The following GYS1 variants were observed in gnomAD, a reference collection of about 807,000 sequenced individuals.
The protein encoded by GYS1 is glycogen [starch] synthase, muscle.
GYS1 carries 60 observed loss-of-function variants against 89.1 expected under a neutral mutation model. The ratio of observed to expected loss-of-function variants is 0.67; its 90% CI spans 0.55 to 0.84. The LOEUF (loss-of-function observed/expected upper bound fraction) is 0.84, where lower values mean the gene tolerates loss of function less well. Among genes scored for constraint, GYS1 ranks in the 40% least tolerant of loss-of-function variants. The pLI is 0.00. For missense variants in GYS1, 888 were observed against 1,003.1 expected (o/e 0.89, Z 1.55); for synonymous variants, 366 against 401.7 (o/e 0.91, Z 1.06).
At position 48,991,175 on chromosome 19, in the gene GYS1, C is replaced by A. The variant is rs1265066232; in HGVS notation, c.300+127G>T. On this transcript the variant is annotated intron_variant, in intron 2 of 15. Coordinates refer to ENST00000323798, the MANE Select transcript of GYS1 (RefSeq NM_002103.5). The surrounding 1 kb of genome is among the most constrained non-coding windows in gnomAD (Gnocchi z 4.7). ...CTGTCTGGGTGTCCTATCACGCCTC[C>A]TTCCTGTGTCCAAGCCTGCCTCGCT... 9.7e-7 allele frequency: 1 copy of A among 1,032,286 alleles called. No individual in the cohort carries two copies. Among genetic ancestry groups the A allele is most frequent in the Non-Finnish European group, 1.5e-6 (1 of 671,988 alleles). 63.9% of individuals were successfully genotyped at this position (1,032,286 alleles called of 1,614,324 possible).
At chr19:48,992,793 T>G (rs2038958626) in intron 1 of GYS1, among the ~76,000 whole-genome samples, 1 of 152,048 alleles carries the variant, frequency 6.6e-6, no homozygotes, top group Non-Finnish European at 1.5e-5. Context: ...AACCCGGGCT[T>G]CCAGCCTCCT....
rs920399221 is a variant in GYS1, at chr19:48,982,630, C to G, written c.941+90G>C. 10 of 1,018,766 alleles carry G rather than the reference C, an allele frequency of 9.8e-6. No individual in the cohort carries two copies. The African/African-American group carries it at 1.3e-4, about 13-fold the overall frequency. 63.1% of individuals were successfully genotyped at this position (1,018,766 alleles called of 1,614,324 possible). ...TGCCCCCTCCCTCAGACCCAGGAGT[C>G]TGGGCCCCCAGCTGCCCCCTCCCCC... On this transcript the variant is annotated intron_variant, in intron 6 of 15. Transcript: ENST00000323798.
At chr19:48,978,222 G>A (rs1233230171) in intron 8 of GYS1, 65 bp from the exon 9 acceptor site, 4 of 1,345,076 alleles carry the variant, frequency 3.0e-6, no homozygotes, top group Non-Finnish European at 3.2e-6. Flanking sequence ...GGCTTCTTTA[G>A]TTAGTTTGTT....
intron 14 of GYS1, chr19:48,970,336 C>G (rs747692313): frequency 2.4e-5 from 14 of 572,792 alleles, no homozygotes; most frequent in Non-Finnish European, 4.1e-5. Context: ...CCAGGCTGGT[C>G]TCTTAACTCC....
At chr19:48,974,091 T>G in intron 12 of GYS1, 122 bp downstream of exon 12, 1 of 1,026,388 alleles carries the variant, frequency 9.7e-7, no homozygotes, top group African/African-American at 1.6e-5. Flanking sequence ...AACAGGTGAT[T>G]ACCATTGTTC....
At chr19:48,970,306 T>C (rs1241566824) in intron 14 of GYS1, 3 of 511,674 alleles carry the variant, frequency 5.9e-6, no homozygotes, top group African/African-American at 5.8e-5. Flanking sequence ...TTTTTATTTT[T>C]AGTAAAAATA....
rs1235669032 is a variant in GYS1 at position 48,985,918 on chromosome 19, T to A, written c.610A>T (p.Thr204Ser). Residue 204 changes from threonine (T) to serine (S), a missense_variant, in exon 4 of 16, where the codon ACC becomes TCC. Physicochemically the swap from Thr to Ser is moderately conservative, Grantham distance 58 (BLOSUM62 1). Transcript: ENST00000323798. ...RRLPVATIFT[T>S]HATLLGRYLC... ...TAGCGCCCCAGCAGCGTGGCATGGG[T>A]GGTGAAGATGGTTGCTACAGGCAGT... The A allele has an allele frequency of 3.1e-6, 5 of 1,613,972 alleles. No individual in the cohort carries two copies. Among genetic ancestry groups the A allele is most frequent in the Non-Finnish European group, 3.4e-6 (4 of 1,180,012 alleles).
chr19:48,984,075 G>A (rs1050833871), intron 5 of GYS1, among the ~76,000 whole-genome samples: 7 of 151,934 alleles, frequency 4.6e-5, no homozygotes, highest in Non-Finnish European at 7.4e-5. Context: ...CTTGGCTCAC[G>A]ACAACCTCTG....
At position 48,981,367 on chromosome 19, in the gene GYS1, C is replaced by T. The variant is rs531721929; in HGVS notation, c.1169+163G>A. The T allele has an allele frequency of 7.5e-5, 48 of 637,926 alleles. No homozygotes were observed. The Admixed American group carries it at 8.0e-4, about 11-fold the overall frequency. The allele number at this position is 637,926 out of a possible 1,614,324, so 39.5% of individuals were successfully genotyped here. On this transcript the variant is annotated intron_variant, in intron 8 of 15. Transcript: ENST00000323798. ...GGTGGAGGTTGCAGTGAGCCAAGAT[C>T]GCACCACTACACTCCAGCCTGGGCG...
At chr19:48,974,770 G>A (rs1195951304) in intron 10 of GYS1, 37 bp from the exon 11 acceptor site, 2 of 1,420,366 alleles carry the variant, frequency 1.4e-6, no homozygotes, top group East Asian at 2.3e-5. Context: ...GGTCATGGAA[G>A]GGACAGAGAA....
In GYS1 at chr19:48,991,126, C is replaced by A. The variant is rs2038918777; in HGVS notation, c.300+176G>T. The stretch of plus-strand genomic sequence containing the variant: ...TCCATTCGCCCATGTCTGGGATCCA[C>A]CCACCCACTTCCAGGCCCTGCATCT... On this transcript the variant is annotated intron_variant, in intron 2 of 15. Transcript: ENST00000323798. This position sits in a 1 kb window ranked among gnomAD's most constrained non-coding sequence, Gnocchi z 4.7. 6.6e-6 allele frequency among the ~76,000 whole-genome samples: 1 copy of A among 152,200 alleles called. No individual in the cohort carries two copies. Among genetic ancestry groups the A allele is most frequent in the Non-Finnish European group, 1.5e-5 (1 of 68,020 alleles).
chr19:48,970,332 T>C, intron 14 of GYS1: 1 of 569,728 alleles, frequency 1.8e-6, no homozygotes, highest in South Asian at 2.0e-5. Context: ...TTGCCCAGGC[T>C]GGTCTCTTAA....
intron 11 of GYS1, 102 bp downstream of exon 11, chr19:48,974,518 A>AAT: frequency 9.7e-7 from 1 of 1,030,896 alleles, no homozygotes; most frequent in Non-Finnish European, 1.5e-6. Context: ...TAACCACAGC[A>AAT]ATACCTTTGA....
At chr19:48,981,370 A>AC (rs1208128001) in intron 8 of GYS1, 160 bp downstream of exon 8, 2 of 648,158 alleles carry the variant, frequency 3.1e-6, no homozygotes, top group Non-Finnish European at 2.8e-6. Flanking sequence ...CCAAGATCGC[A>AC]CCACTACACT....
rs2038830161 is a variant in GYS1 at position 48,985,584 on chromosome 19, C to T, written c.700G>A (p.Gly234Arg). The change falls in exon 5 of 16, where the codon GGG becomes AGG. Residue 234 changes from glycine to arginine, a missense_variant. Gly to Arg is a moderately radical substitution (Grantham distance 125). Transcript: ENST00000323798. ...LENFNVDKEA[G>R]ERQIYHRYCM... ...TATCGGTGGTAGATCTGCCTCTCCC[C>T]TGCTTCCTTGTCCACGTTGAACTGG... 2.5e-6 allele frequency: 4 copies of T among 1,614,152 alleles called. No individual in the cohort carries two copies. Among genetic ancestry groups the T allele is most frequent in the Non-Finnish European group, 3.4e-6 (4 of 1,180,030 alleles).
At chr19:48,990,553 G>A (rs1029725807) in intron 2 of GYS1, among the ~76,000 whole-genome samples, 2 of 152,038 alleles carry the variant, frequency 1.3e-5, no homozygotes, top group African/African-American at 4.8e-5. Context: ...CAATAATGAC[G>A]ATGATCATAA....
Position 48,974,642 on chromosome 19 carries a change from T to C in GYS1, c.1400A>G (p.Asn467Ser), listed in dbSNP as rs1211390269. 5.0e-6 allele frequency: 8 copies of C among 1,613,582 alleles called. No homozygotes were observed. Among genetic ancestry groups the C allele is most frequent in the South Asian group, 1.1e-5 (1 of 91,076 alleles). ...CACCTTCACCCTGTCGGCACTGCTA[T>C]TGAAGAGGCCGATTCGGCGGATGGT... ...LTTIRRIGLF[N>S]SSADRVKVIF... The change falls in exon 11 of 16, where the codon AAT becomes AGT. Residue 467 changes from asparagine (N) to serine (S), a missense_variant. Transcript: ENST00000323798.
In GYS1 at chr19:48,970,576, G is replaced by A. The variant is rs372542706; in HGVS notation, c.1779C>T (p.Ser593=). The A allele has an allele frequency of 3.1e-6, 5 of 1,613,666 alleles. No individual in the cohort carries two copies. In the African/African-American group the frequency reaches 5.3e-5, roughly 17 times the overall value. The stretch of plus-strand genomic sequence containing the variant: ...CTAGGTATTTCCAGTCCAGAAGGTC[G>A]GAGAGGCGCTCCGTGCGGTTCCGCT... ...IIQRNRTERL[S]DLLDWKYLGR... The change falls in exon 14 of 16, where the codon TCC becomes TCT. Residue 593 remains serine (S), a synonymous_variant. Coordinates refer to ENST00000323798, the MANE Select transcript of GYS1 (RefSeq NM_002103.5).
At chr19:48,978,948 A>T (rs61016164) in intron 8 of GYS1, among the ~76,000 whole-genome samples, 56,107 of 151,658 alleles carry the variant, frequency 0.37, 10,426 homozygotes, top group Middle Eastern at 0.52. Context: ...AAGGCTTAGG[A>T]CCCACGTGCC....
Sources: gnomAD v4.1 joint callset for allele counts (sites outside exome capture counted in the v4.1 genomes callset) on GRCh38, gnomAD v4.1.1 for gene constraint, Gnocchi (gnomAD v3.1) non-coding constraint, MANE v1.5 for transcripts, NCBI Gene and HGNC (gene_info 2026-07-23, HGNC 2026-07-21) for gene names.